The following MSRA variants were observed in gnomAD, a reference collection of about 807,000 sequenced individuals.
The protein encoded by MSRA is mitochondrial peptide methionine sulfoxide reductase.
In MSRA, 54 loss-of-function variants were observed where a neutral mutation model predicts 31.3. That is an observed-to-expected ratio of 1.73 (90% CI 1.39 to 2.17). MSRA has a LOEUF of 2.17. Ranked by LOEUF, MSRA falls within the 30% of genes most tolerant of loss-of-function variation. The pLI is 0.00. For synonymous variants in MSRA, 169 were observed against 116.5 expected (o/e 1.45, Z -2.90); for missense variants, 507 against 300.9 (o/e 1.69, Z -5.07).
intron 1 of MSRA, among the ~76,000 whole-genome samples, chr8:10,101,344 C>G (rs977035946): frequency 6.6e-6 from 1 of 152,020 alleles, no homozygotes; most frequent in Non-Finnish European, 1.5e-5. Flanking sequence ...TTATGTTTTA[C>G]AAAATTATTT....
intron 4 of MSRA, among the ~76,000 whole-genome samples, chr8:10,309,032 A>G (rs756471583): frequency 6.6e-6 from 1 of 152,218 alleles, no homozygotes; most frequent in Non-Finnish European, 1.5e-5. Flanking sequence ...TTCTCCTTTA[A>G]GTCTCAGCTG....
At chr8:10,239,127 A>G (rs1238724831) in intron 2 of MSRA, among the ~76,000 whole-genome samples, 1 of 152,190 alleles carries the variant, frequency 6.6e-6, no homozygotes, top group Non-Finnish European at 1.5e-5. Flanking sequence ...ATGTGAAGAG[A>G]TGCTCAACCT....
chr8:10,204,887 C>T (rs553838676), intron 1 of MSRA, among the ~76,000 whole-genome samples: 5 of 152,178 alleles, frequency 3.3e-5, no homozygotes, highest in Non-Finnish European at 7.4e-5. Context: ...AGCTACGACC[C>T]CTGCCCTCCC....
chr8:10,283,160 A>ACTCTCTCTCTCTCT (rs71521648), intron 3 of MSRA, among the ~76,000 whole-genome samples: 5 of 140,238 alleles, frequency 3.6e-5, no homozygotes, highest in African/African-American at 5.4e-5. Flanking sequence ...ACACACACAC[A>ACTCTCTCTCTCTCT]CTCTCACCCT....
intron 5 of MSRA, among the ~76,000 whole-genome samples, chr8:10,384,991 A>G (rs922471007): frequency 4.6e-5 from 7 of 152,078 alleles, no homozygotes; most frequent in Non-Finnish European, 8.8e-5. Context: ...GACAGAGCAA[A>G]ACCCTGTCTC....
chr8:10,146,332 A>C (rs1274723006), intron 1 of MSRA, among the ~76,000 whole-genome samples: 2 of 152,210 alleles, frequency 1.3e-5, no homozygotes, highest in African/African-American at 4.8e-5. Context: ...TAGAATTTTA[A>C]ACACAGAAAT....
chr8:10,221,864 G>A (rs1395800649), intron 2 of MSRA, among the ~76,000 whole-genome samples: 1 of 152,140 alleles, frequency 6.6e-6, no homozygotes, highest in Non-Finnish European at 1.5e-5. Flanking sequence ...GTCCCAGGCA[G>A]AAGGAATGCA....
intron 5 of MSRA, among the ~76,000 whole-genome samples, chr8:10,327,649 C>T (rs944570997): frequency 1.3e-5 from 2 of 152,018 alleles, no homozygotes; most frequent in African/African-American, 4.8e-5. Context: ...AAATAACCTA[C>T]TTGGCTGGGC....
intron 1 of MSRA, among the ~76,000 whole-genome samples, chr8:10,128,479 TTGTC>T (rs1164313713): frequency 1.3e-5 from 2 of 152,206 alleles, no homozygotes; most frequent in African/African-American, 2.4e-5. Flanking sequence ...ATATCTGACT[TTGTC>T]TGTTTCTAGG....
At chr8:10,247,136 T>G (rs369676799) in intron 3 of MSRA, among the ~76,000 whole-genome samples, 7 of 152,248 alleles carry the variant, frequency 4.6e-5, no homozygotes, top group African/African-American at 1.7e-4. Flanking sequence ...ACATGATAAT[T>G]GCCATGTGTT....
rs184721535 is a variant in MSRA, at chr8:10,272,638, T to G, written c.331+27415T>G. Among the ~76,000 whole-genome samples, 6 of 152,334 alleles carry G rather than the reference T, an allele frequency of 3.9e-5. 1 individual carries two copies. Among genetic ancestry groups the G allele is most frequent in the Admixed American group, 3.9e-4 (6 of 15,304 alleles). On this transcript the variant is annotated intron_variant, in intron 3 of 5. Coordinates refer to ENST00000317173, the MANE Select transcript of MSRA (RefSeq NM_012331.5). Reference sequence around the variant, plus strand: ...AGCCAAATGTCTTGGCACAGTCAAGTTGACACATAAAATTAACCCTCACTC... The same window carrying G: ...AGCCAAATGTCTTGGCACAGTCAAGGTGACACATAAAATTAACCCTCACTC...
At chr8:10,355,300 T>G (rs1804442611) in intron 5 of MSRA, among the ~76,000 whole-genome samples, 1 of 152,156 alleles carries the variant, frequency 6.6e-6, no homozygotes, top group South Asian at 2.1e-4. Flanking sequence ...GGAGAGGAAA[T>G]AGGAGAAAGT....
chr8:10,391,169 A>G (rs557987167), intron 5 of MSRA, among the ~76,000 whole-genome samples: 9 of 152,306 alleles, frequency 5.9e-5, no homozygotes, highest in Non-Finnish European at 7.4e-5. Context: ...CCTCATTTGC[A>G]TTGGCTTTTG....
chr8:10,253,971 C>G (rs1046666894), intron 3 of MSRA, among the ~76,000 whole-genome samples: 1 of 152,024 alleles, frequency 6.6e-6, no homozygotes, highest in Non-Finnish European at 1.5e-5. Context: ...AGTGAAGCAC[C>G]CAGACGTGAG....
chr8:10,371,169 G>T (rs1179413549), intron 5 of MSRA, among the ~76,000 whole-genome samples: 1 of 152,130 alleles, frequency 6.6e-6, no homozygotes, highest in Non-Finnish European at 1.5e-5. Flanking sequence ...TTATTTTTAG[G>T]ATATGTTATT....
intron 1 of MSRA, among the ~76,000 whole-genome samples, chr8:10,092,027 G>C (rs1798883691): frequency 6.6e-6 from 1 of 152,036 alleles, no homozygotes; most frequent in East Asian, 1.9e-4. Context: ...GTCAATACTT[G>C]TTTTTGTTGA....
chr8:10,149,277 A>C (rs560106478), intron 1 of MSRA, among the ~76,000 whole-genome samples: 10 of 152,142 alleles, frequency 6.6e-5, no homozygotes, highest in Non-Finnish European at 1.2e-4. Context: ...GCCCACCACC[A>C]TGCCCAGCTA....
At chr8:10,299,565 A>G (rs1371083302) in intron 3 of MSRA, among the ~76,000 whole-genome samples, 2 of 152,130 alleles carry the variant, frequency 1.3e-5, no homozygotes, top group African/African-American at 2.4e-5. Context: ...ATAATAAAAT[A>G]TTAATATAAT....
At chr8:10,313,068 A>G (rs1009431352) in intron 4 of MSRA, among the ~76,000 whole-genome samples, 3 of 152,164 alleles carry the variant, frequency 2.0e-5, no homozygotes, top group Non-Finnish European at 2.9e-5. Flanking sequence ...CTAGATACCT[A>G]TTTATCTTTC....
Sources: gnomAD v4.1 joint callset for allele counts (sites outside exome capture counted in the v4.1 genomes callset) on GRCh38, gnomAD v4.1.1 for gene constraint, MANE v1.5 for transcripts, NCBI Gene and HGNC (gene_info 2026-07-23, HGNC 2026-07-21) for gene names.